Variants in SAMMSON observed in about 807,000 individuals in gnomAD.
SAMMSON encodes the protein survival associated mitochondrial melanoma specific oncogenic non-coding RNA.
At chr3:70,152,579 C>T (rs1303662507) in intron 4 of SAMMSON, among the ~76,000 whole-genome samples, 1 of 152,048 alleles carries the variant, frequency 6.6e-6, no homozygotes. Context: ...CTAACCCTCT[C>T]TGTCACCATC....
chr3:70,406,799 TA>T (rs1701181599), intron 2 of SAMMSON, among the ~76,000 whole-genome samples: 1 of 151,968 alleles, frequency 6.6e-6, no homozygotes. Context: ...GTAAAAGAGG[TA>T]AAAGAGAGAC....
At chr3:70,361,914 A>G (rs888042280) in intron 9 of SAMMSON, among the ~76,000 whole-genome samples, 3 of 152,344 alleles carry the variant, frequency 2.0e-5, no homozygotes, top group Non-Finnish European at 2.9e-5. Context: ...CTCTGAGGAT[A>G]CTACAGGATT....
intron 9 of SAMMSON, among the ~76,000 whole-genome samples, chr3:70,386,056 GA>G (rs1703120861): frequency 6.6e-6 from 1 of 152,130 alleles, no homozygotes; most frequent in African/African-American, 2.4e-5. Context: ...TCGCTGTGGG[GA>G]ATCACACTGG....
At chr3:70,088,503 A>G (rs982232361) in intron 4 of SAMMSON, among the ~76,000 whole-genome samples, 1 of 152,192 alleles carries the variant, frequency 6.6e-6, no homozygotes, top group African/African-American at 2.4e-5. Flanking sequence ...CTAGGGATAA[A>G]AGGCAAGGCA....
intron 3 of SAMMSON, among the ~76,000 whole-genome samples, chr3:70,039,181 C>T (rs1409673925): frequency 2.0e-5 from 3 of 152,036 alleles, no homozygotes; most frequent in African/African-American, 7.2e-5. Context: ...CTGCCCCAGC[C>T]CTTTGAATCT....
intron 6 of SAMMSON, among the ~76,000 whole-genome samples, chr3:70,289,034 T>G (rs1338763102): frequency 6.6e-6 from 1 of 152,212 alleles, no homozygotes; most frequent in Non-Finnish European, 1.5e-5. Context: ...CTGTGTCTTT[T>G]AATTGGAGCA....
chr3:70,281,318 C>T (rs1457140843), intron 6 of SAMMSON, among the ~76,000 whole-genome samples: 1 of 152,134 alleles, frequency 6.6e-6, no homozygotes, highest in East Asian at 1.9e-4. Context: ...CATTCAGGAA[C>T]CTCCTGATCT....
intron 7 of SAMMSON, among the ~76,000 whole-genome samples, chr3:70,296,403 C>T (rs80045983): frequency 7.2e-5 from 11 of 152,030 alleles, no homozygotes; most frequent in Admixed American, 7.2e-4. Context: ...GAAAATGGAC[C>T]TAATTTTAGA....
chr3:70,287,239 C>G (rs982914790), intron 6 of SAMMSON, among the ~76,000 whole-genome samples: 1 of 138,930 alleles, frequency 7.2e-6, no homozygotes, highest in Non-Finnish European at 1.6e-5. Context: ...CCCATCAATA[C>G]CTAATTTATT....
At chr3:70,274,092 C>CGTGT (rs1260177672) in intron 6 of SAMMSON, among the ~76,000 whole-genome samples, 1 of 138,334 alleles carries the variant, frequency 7.2e-6, no homozygotes, top group Non-Finnish European at 1.6e-5. Context: ...TGTGTGTGTG[C>CGTGT]GCGCGCGCAT....
chr3:70,248,959 A>T (rs1360109722), intron 4 of SAMMSON: 1 of 152,156 alleles, frequency 6.6e-6, no homozygotes, highest in Non-Finnish European at 1.5e-5. Context: ...CTTCACTGTC[A>T]TTTTATTTCC....
chr3:70,214,840 T>A (rs1255261856), intron 4 of SAMMSON, among the ~76,000 whole-genome samples: 1 of 152,080 alleles, frequency 6.6e-6, no homozygotes, highest in Non-Finnish European at 1.5e-5. Context: ...TTCAGTTTAA[T>A]GTTTGTAAAA....
chr3:70,098,619 G>A (rs1177477918), intron 4 of SAMMSON, among the ~76,000 whole-genome samples: 1 of 151,920 alleles, frequency 6.6e-6, no homozygotes, highest in Non-Finnish European at 1.5e-5. Flanking sequence ...CACCCGCCTC[G>A]GCCTCCCAAA....
chr3:70,035,514 T>G (rs1193962753), intron 3 of SAMMSON, among the ~76,000 whole-genome samples: 2 of 152,130 alleles, frequency 1.3e-5, no homozygotes, highest in Admixed American at 6.6e-5. Context: ...GGGTGGCCAT[T>G]TTAGAATTCT....
intron 9 of SAMMSON, among the ~76,000 whole-genome samples, chr3:70,360,524 C>T (rs1048548043): frequency 6.6e-6 from 1 of 152,120 alleles, no homozygotes; most frequent in East Asian, 1.9e-4. Flanking sequence ...CCAGACTAAA[C>T]GCACTCTATT....
chr3:70,015,399 T>TC (rs2066979284), intron 3 of SAMMSON: 1 of 151,902 alleles, frequency 6.6e-6, no homozygotes, highest in Admixed American at 6.6e-5. Flanking sequence ...GAAGTGCTGT[T>TC]CTTTTTTTTT....
chr3:70,288,576 C>A (rs1306424418), intron 6 of SAMMSON, among the ~76,000 whole-genome samples: 1 of 147,464 alleles, frequency 6.8e-6, no homozygotes, highest in Admixed American at 6.7e-5. Flanking sequence ...CTATTAGGTC[C>A]ACTTGCTGCA....
At chr3:70,398,716 C>T (rs967701347) in intron 2 of SAMMSON, among the ~76,000 whole-genome samples, 1 of 152,306 alleles carries the variant, frequency 6.6e-6, no homozygotes, top group East Asian at 1.9e-4. Context: ...TTGACTTTCA[C>T]TTCATCAACC....
intron 4 of SAMMSON, among the ~76,000 whole-genome samples, chr3:70,229,532 T>C (rs377046159): frequency 1.3e-5 from 2 of 152,186 alleles, no homozygotes; most frequent in South Asian, 2.1e-4. Flanking sequence ...CAGCAGGACA[T>C]AAAAATAGTT....
Sources: gnomAD v4.1 joint callset for allele counts (sites outside exome capture counted in the v4.1 genomes callset) on GRCh38, gnomAD v4.1.1 for gene constraint, MANE v1.5 for transcripts, NCBI Gene and HGNC (gene_info 2026-07-23, HGNC 2026-07-21) for gene names.